ADCY8: variants seen among roughly 807,000 people sequenced by gnomAD.
The protein encoded by ADCY8 is adenylate cyclase type 8.
ADCY8 carries 51 observed loss-of-function variants against 119.7 expected under a neutral mutation model. The observed-to-expected ratio is 0.43, with a 90% CI of 0.34 to 0.54. The LOEUF (loss-of-function observed/expected upper bound fraction) is 0.54, where lower values mean the gene tolerates loss of function less well. ADCY8 is among the 20% of genes least tolerant of loss of function. The pLI is 0.03. For synonymous variants in ADCY8, 665 were observed against 651.0 expected, an observed-to-expected ratio of 1.02 and a Z score of -0.33; for missense variants, 1,383 against 1,598.8, an observed-to-expected ratio of 0.87 and a Z score of 2.30.
At chr8:130,948,544 C>T (rs1821173875) in intron 3 of ADCY8, among the ~76,000 whole-genome samples, 1 of 151,624 alleles carries the variant, frequency 6.6e-6, no homozygotes, top group East Asian at 2.0e-4. Flanking sequence ...AAGCATGGCG[C>T]CTTTAAGCAT....
intron 8 of ADCY8, among the ~76,000 whole-genome samples, chr8:130,872,501 T>C (rs1818404393): frequency 6.6e-6 from 1 of 152,354 alleles, no homozygotes; most frequent in Non-Finnish European, 1.5e-5. Context: ...TATATTTCAG[T>C]GATGCAATTT....
intron 9 of ADCY8, among the ~76,000 whole-genome samples, chr8:130,859,223 C>T: frequency 6.6e-6 from 1 of 152,160 alleles, no homozygotes; most frequent in Non-Finnish European, 1.5e-5. Context: ...CTACATGTAA[C>T]CATCTCTATC....
chr8:130,936,458 C>T (rs569671449), intron 5 of ADCY8, among the ~76,000 whole-genome samples: 7 of 152,134 alleles, frequency 4.6e-5, no homozygotes, highest in Non-Finnish European at 7.3e-5. Flanking sequence ...CTGCTGCCAG[C>T]CTACAGTCCA....
intron 8 of ADCY8, among the ~76,000 whole-genome samples, chr8:130,874,433 C>T (rs905654517): frequency 6.6e-6 from 1 of 152,154 alleles, no homozygotes; most frequent in East Asian, 1.9e-4. Context: ...AATAGGCCAT[C>T]TTCTCTATCT....
At position 130,875,401 on chromosome 8, in the gene ADCY8, G is replaced by A. The variant is rs188685520; in HGVS notation, c.2110-7455C>T. ...ATTTTAACAATAAGATCATGAAAAT[G>A]ACTAGGAGATATGTGATTTAGAAAA... is the stretch of plus-strand genomic sequence containing the variant. On this transcript the variant is annotated intron_variant, in intron 8 of 17. Transcript: ENST00000286355. 8.9e-4 allele frequency among the ~76,000 whole-genome samples: 136 copies of A among 152,276 alleles called. 1 individual carries two copies. Among genetic ancestry groups the A allele is most frequent in the African/African-American group, 3.2e-3 (131 of 41,548 alleles).
intron 12 of ADCY8, among the ~76,000 whole-genome samples, chr8:130,824,502 G>T (rs187028241): frequency 1.1e-4 from 16 of 152,228 alleles, no homozygotes; most frequent in Non-Finnish European, 1.8e-4. Context: ...TGCCCTTAAG[G>T]TCCTAAAGGA....
At chr8:130,803,049 G>A (rs987536346) in intron 14 of ADCY8, among the ~76,000 whole-genome samples, 3 of 152,098 alleles carry the variant, frequency 2.0e-5, no homozygotes, top group African/African-American at 4.8e-5. Context: ...AGCTACTTGT[G>A]TTTACTGGGA....
At chr8:130,861,651 T>C (rs1025927140) in intron 9 of ADCY8, among the ~76,000 whole-genome samples, 1 of 152,168 alleles carries the variant, frequency 6.6e-6, no homozygotes, top group Admixed American at 6.5e-5. Flanking sequence ...TCCTTTCTGA[T>C]ATGTATGCCT....
chr8:131,009,140 A>G lies in ADCY8; in HGVS notation c.961-18598T>C, dbSNP rs111935164. Reference sequence around the variant, plus strand: ...ATAAGTAACGAGGAGCTGAATGTCAATCACCAAGACAATGGGGAAAATGTC... The same window carrying G: ...ATAAGTAACGAGGAGCTGAATGTCAGTCACCAAGACAATGGGGAAAATGTC... On this transcript the variant is annotated intron_variant, in intron 1 of 17. Coordinates refer to ENST00000286355, the MANE Select transcript of ADCY8 (RefSeq NM_001115.3). 5.4e-3 allele frequency among the ~76,000 whole-genome samples: 819 copies of G among 152,350 alleles called. 5 individuals are homozygous for G. The highest frequency in any genetic ancestry group is 0.019 in the African/African-American group (788 of 41,584).
chr8:130,983,285 C>T (rs1219243566), intron 2 of ADCY8, among the ~76,000 whole-genome samples: 2 of 152,170 alleles, frequency 1.3e-5, no homozygotes, highest in Non-Finnish European at 2.9e-5. Context: ...AATGCAGCCA[C>T]TGTAAATCTA....
At chr8:130,846,436 G>A (rs1446410176) in intron 11 of ADCY8, among the ~76,000 whole-genome samples, 1 of 152,022 alleles carries the variant, frequency 6.6e-6, no homozygotes, top group East Asian at 1.9e-4. Context: ...GGTGCTTCTG[G>A]CACTCTTTGT....
At chr8:130,791,343 C>T (rs887385016) in intron 15 of ADCY8, among the ~76,000 whole-genome samples, 1 of 152,176 alleles carries the variant, frequency 6.6e-6, no homozygotes, top group Non-Finnish European at 1.5e-5. Context: ...GAGAGTTCCT[C>T]CCCATTCCTG....
chr8:130,973,927 A>G (rs1315935076), intron 2 of ADCY8, among the ~76,000 whole-genome samples: 3 of 152,262 alleles, frequency 2.0e-5, no homozygotes, highest in Admixed American at 2.0e-4. Flanking sequence ...AGTTCTGAGT[A>G]TATTGACTCA....
At chr8:130,969,915 T>G (rs934995709) in intron 2 of ADCY8, among the ~76,000 whole-genome samples, 2 of 152,220 alleles carry the variant, frequency 1.3e-5, no homozygotes, top group African/African-American at 4.8e-5. Flanking sequence ...TCTCTGAGCT[T>G]TATTGATGCA....
At chr8:130,905,748 T>G (rs1431008822) in intron 6 of ADCY8, among the ~76,000 whole-genome samples, 1 of 152,126 alleles carries the variant, frequency 6.6e-6, no homozygotes, top group Non-Finnish European at 1.5e-5. Flanking sequence ...TAGTCCCAGC[T>G]ACTTGAGAGG....
At chr8:130,965,967 C>T (rs998532340) in intron 2 of ADCY8, among the ~76,000 whole-genome samples, 3 of 152,182 alleles carry the variant, frequency 2.0e-5, no homozygotes, top group African/African-American at 7.2e-5. Context: ...TCTCTACCTC[C>T]AGAACCCAAC....
intron 2 of ADCY8, among the ~76,000 whole-genome samples, chr8:130,979,733 T>C (rs112839974): frequency 0.012 from 1,835 of 152,314 alleles, 46 homozygotes; most frequent in African/African-American, 0.042. Context: ...ACCCACTTCA[T>C]AGGATTTATC....
intron 12 of ADCY8, among the ~76,000 whole-genome samples, chr8:130,834,920 A>T (rs1305931219): frequency 6.8e-6 from 1 of 147,662 alleles, no homozygotes; most frequent in Non-Finnish European, 1.5e-5. Flanking sequence ...ATTTGAGGAG[A>T]CAGAGAGGAG....
intron 1 of ADCY8, among the ~76,000 whole-genome samples, chr8:131,001,592 TAC>T (rs1490924115): frequency 1.4e-5 from 2 of 148,010 alleles, no homozygotes; most frequent in Non-Finnish European, 3.0e-5. Flanking sequence ...ATCTAATATA[TAC>T]ACATACTATA....
Sources: allele counts gnomAD v4.1 joint callset (sites outside exome capture counted in the v4.1 genomes callset), GRCh38; gene constraint gnomAD v4.1.1; transcripts MANE v1.5; gene names NCBI Gene and HGNC (gene_info 2026-07-23, HGNC 2026-07-21).